Variants in CXCL13 observed in about 807,000 individuals in gnomAD.
CXCL13 encodes C-X-C motif chemokine ligand 13.
CXCL13 carries 7 observed loss-of-function variants against 12.2 expected under a neutral mutation model. The ratio of observed to expected loss-of-function variants is 0.57; its 90% CI spans 0.33 to 1.07. The LOEUF (loss-of-function observed/expected upper bound fraction) is 1.07, where lower values mean the gene tolerates loss of function less well. Among genes scored for constraint, CXCL13 ranks in the 50% least tolerant of loss-of-function variants. The probability of loss-of-function intolerance (pLI) is 0.04; values close to 1 mark genes in which losing one functional copy is unlikely to be tolerated. For synonymous variants in CXCL13, 47 were observed against 42.4 expected (o/e 1.11, Z -0.42); for missense variants, 113 against 127.4 (o/e 0.89, Z 0.55).
chr4:77,534,203 C>T (rs977352018), intron 1 of CXCL13, among the ~76,000 whole-genome samples: 14 of 152,026 alleles, frequency 9.2e-5, no homozygotes, highest in African/African-American at 3.4e-4. Flanking sequence ...AAAACAAAAA[C>T]AAAAGACATG....
At chr4:77,559,323 A>G (rs1476178177) in intron 1 of CXCL13, among the ~76,000 whole-genome samples, 2 of 152,230 alleles carry the variant, frequency 1.3e-5, no homozygotes, top group East Asian at 3.9e-4. Flanking sequence ...CAGACTAAAT[A>G]AAGCTTCAGT....
intron 1 of CXCL13, among the ~76,000 whole-genome samples, chr4:77,550,833 C>T (rs1417748937): frequency 6.6e-6 from 1 of 152,112 alleles, no homozygotes; most frequent in Non-Finnish European, 1.5e-5. Context: ...ATAGTTAAGT[C>T]TTGTTGAATT....
At chr4:77,518,734 G>A (rs1724496368) in intron 1 of CXCL13, among the ~76,000 whole-genome samples, 2 of 152,018 alleles carry the variant, frequency 1.3e-5, no homozygotes, top group African/African-American at 4.8e-5. Flanking sequence ...TTTGCCTTTG[G>A]TTTGAATTTC....
chr4:77,598,604 A>G (rs1045668869), intron 1 of CXCL13, among the ~76,000 whole-genome samples: 1 of 152,188 alleles, frequency 6.6e-6, no homozygotes, highest in Non-Finnish European at 1.5e-5. Flanking sequence ...ATGTTATGGA[A>G]TCTGGAAGAT....
Position 77,607,845 on chromosome 4 carries a change from A to G in CXCL13, c.197+10A>G. 6.2e-7 allele frequency: 1 copy of G among 1,613,184 alleles called. No homozygotes were observed. The highest frequency in any genetic ancestry group is 8.5e-7 in the Non-Finnish European group (1 of 1,179,316). On this transcript the variant is annotated intron_variant, in intron 2 of 3. Coordinates refer to ENST00000682537, the MANE Select transcript of CXCL13 (RefSeq NM_001371558.1). ...CAAGAAAAGAAATCATGTAAGTTTC[A>G]AGAGAAAAATAAATAAGATTTCCTT...
chr4:77,523,727 A>G (rs1179276457), intron 1 of CXCL13, among the ~76,000 whole-genome samples: 1 of 152,212 alleles, frequency 6.6e-6, no homozygotes, highest in Admixed American at 6.5e-5. Flanking sequence ...CATCAAAGTC[A>G]TTCTCTGTCC....
intron 2 of CXCL13, among the ~76,000 whole-genome samples, chr4:77,610,147 A>G (rs1366792544): frequency 1.3e-5 from 2 of 151,964 alleles, no homozygotes; most frequent in East Asian, 1.9e-4. Context: ...GCTCTGCAGC[A>G]TGCGTCTCAT....
intron 1 of CXCL13, among the ~76,000 whole-genome samples, chr4:77,542,264 A>G (rs1725222340): frequency 6.6e-6 from 1 of 152,120 alleles, no homozygotes; most frequent in Non-Finnish European, 1.5e-5. Flanking sequence ...GTGTGATGAG[A>G]GTAGGTATAC....
intron 1 of CXCL13, among the ~76,000 whole-genome samples, chr4:77,520,883 G>A (rs1260300970): frequency 6.6e-6 from 1 of 152,070 alleles, no homozygotes; most frequent in African/African-American, 2.4e-5. Context: ...ATTTTGAGAT[G>A]TGTTCCATCA....
chr4:77,554,618 G>A (rs1308014964), intron 1 of CXCL13, among the ~76,000 whole-genome samples: 1 of 152,042 alleles, frequency 6.6e-6, no homozygotes, highest in East Asian at 1.9e-4. Context: ...AACATTTCTA[G>A]GATGCTCCAT....
intron 1 of CXCL13, among the ~76,000 whole-genome samples, chr4:77,558,118 A>G (rs1435230702): frequency 6.6e-6 from 1 of 152,172 alleles, no homozygotes; most frequent in Non-Finnish European, 1.5e-5. Context: ...AACCAATACT[A>G]TCTATACTCT....
At chr4:77,581,940 G>A (rs1726343373) in intron 1 of CXCL13, among the ~76,000 whole-genome samples, 1 of 152,050 alleles carries the variant, frequency 6.6e-6, no homozygotes, top group Non-Finnish European at 1.5e-5. Context: ...TTACTCTACT[G>A]AAACTCTTCT....
chr4:77,550,689 A>G (rs938928532), intron 1 of CXCL13, among the ~76,000 whole-genome samples: 14 of 152,140 alleles, frequency 9.2e-5, no homozygotes, highest in African/African-American at 3.4e-4. Context: ...TGCCTTGATG[A>G]TTTGTCTGAT....
At chr4:77,537,968 T>C (rs755894410) in intron 1 of CXCL13, among the ~76,000 whole-genome samples, 63 of 152,172 alleles carry the variant, frequency 4.1e-4, no homozygotes, top group Non-Finnish European at 7.6e-4. Context: ...TCTAAGCTTA[T>C]AGAATCTAAG....
chr4:77,532,245 G>A (rs572987747), intron 1 of CXCL13, among the ~76,000 whole-genome samples: 1 of 152,250 alleles, frequency 6.6e-6, no homozygotes, highest in South Asian at 2.1e-4. Context: ...AGGCCTGGTG[G>A]TGACAAAATC....
At position 77,575,904 on chromosome 4, in the gene CXCL13, G is replaced by A. The variant is rs544651265; in HGVS notation, c.-42-29920G>A. Among the ~76,000 whole-genome samples the A allele has an allele frequency of 3.2e-4, 48 of 151,822 alleles. No individual in the cohort carries two copies. In the South Asian group the frequency reaches 9.6e-3, roughly 30 times the overall value. The stretch of plus-strand genomic sequence containing the variant: ...TGTATGGGGTTTCTAAAATTCTAAT[G>A]TCTGAGTATATGCTATTGATCACAA... On this transcript the variant is annotated intron_variant, in intron 1 of 4. Transcript: ENST00000286758.
At chr4:77,546,174 A>T (rs188170881) in intron 1 of CXCL13, among the ~76,000 whole-genome samples, 1 of 152,146 alleles carries the variant, frequency 6.6e-6, no homozygotes, top group Non-Finnish European at 1.5e-5. Context: ...GGATTTTTGC[A>T]TCAATGTTCA....
chr4:77,521,748 G>A (rs2110080387), intron 1 of CXCL13, among the ~76,000 whole-genome samples: 1 of 151,818 alleles, frequency 6.6e-6, no homozygotes, highest in African/African-American at 2.4e-5. Context: ...CTTGCCTTCT[G>A]CTAGCTTTTG....
intron 1 of CXCL13, among the ~76,000 whole-genome samples, chr4:77,597,751 G>A (rs532186242): frequency 6.6e-6 from 1 of 152,246 alleles, no homozygotes; most frequent in South Asian, 2.1e-4. Flanking sequence ...GTGGGCAACA[G>A]GATCTGCTCT....
Sources: gnomAD v4.1 joint callset for allele counts (sites outside exome capture counted in the v4.1 genomes callset) on GRCh38, gnomAD v4.1.1 for gene constraint, MANE v1.5 for transcripts, NCBI Gene and HGNC (gene_info 2026-07-23, HGNC 2026-07-21) for gene names.